The following CHP1 variants were observed in gnomAD, a reference collection of about 807,000 sequenced individuals.
CHP1 encodes calcineurin like EF-hand protein 1.
A neutral mutation model predicts 27.4 loss-of-function variants in CHP1; 11 were observed. The observed-to-expected ratio is 0.40, with a 90% CI of 0.25 to 0.67. The LOEUF is 0.67. CHP1 is among the 30% of genes least tolerant of loss of function. The pLI is 0.38. For missense variants in CHP1, 169 were observed against 251.3 expected (o/e 0.67, Z 2.22); for synonymous variants, 89 against 87.4 (o/e 1.02, Z -0.10).
intron 2 of CHP1, among the ~76,000 whole-genome samples, chr15:41,251,329 C>T (rs1260588752): frequency 6.6e-6 from 1 of 152,174 alleles, no homozygotes; most frequent in Non-Finnish European, 1.5e-5. Flanking sequence ...AAAGGGTAAT[C>T]ATTATCCTGC....
intron 1 of CHP1, among the ~76,000 whole-genome samples, chr15:41,242,376 G>A (rs554735048): frequency 1.6e-4 from 24 of 152,176 alleles, no homozygotes; most frequent in Admixed American, 7.9e-4. Context: ...CTACCTAGCC[G>A]TACACATCAC....
chr15:41,276,251 A>G (rs914368048), intron 5 of CHP1, among the ~76,000 whole-genome samples: 2 of 151,840 alleles, frequency 1.3e-5, no homozygotes, highest in Non-Finnish European at 2.9e-5. Flanking sequence ...AAAAAAAAAA[A>G]AAAGAATCTA....
At chr15:41,245,232 G>A (rs758706481) in intron 2 of CHP1, among the ~76,000 whole-genome samples, 1 of 152,146 alleles carries the variant, frequency 6.6e-6, no homozygotes, top group Non-Finnish European at 1.5e-5. Context: ...AGGCCAAGGC[G>A]GGCGGATCAC....
At chr15:41,279,003 GAGTTCA>G (rs2047533103) in intron 6 of CHP1, 114 bp downstream of exon 6, 2 of 1,320,252 alleles carry the variant, frequency 1.5e-6, no homozygotes, top group East Asian at 4.9e-5. Flanking sequence ...ACGAGGTCAG[GAGTTCA>G]AGACCAGCCT....
intron 1 of CHP1, among the ~76,000 whole-genome samples, chr15:41,242,959 A>T (rs1393815998): frequency 7.0e-6 from 1 of 143,828 alleles, no homozygotes; most frequent in Non-Finnish European, 1.6e-5. Flanking sequence ...AAAAGAAAAA[A>T]GTAAAAAAAT....
intron 4 of CHP1, chr15:41,264,229 A>G: frequency 8.6e-6 from 11 of 1,285,756 alleles, no homozygotes; most frequent in Non-Finnish European, 1.1e-5. Flanking sequence ...CCTCCCAAGC[A>G]TGGAATGTAA....
Position 41,270,614 on chromosome 15 carries a change from T to TAA in CHP1, c.408_409insAA (p.Gln137AsnfsTer6). ...GAAAAGATCTCCCGTGATGAGCTGTTACAGGTATGTGGAGAGCTCCTCGAG... is the reference window on the plus strand; with the variant it reads ...GAAAAGATCTCCCGTGATGAGCTGTTAAACAGGTATGTGGAGAGCTCCTCGAG... On this transcript the variant is annotated frameshift_variant, in exon 5 of 7. Transcript: ENST00000334660. LOFTEE classifies it high-confidence loss of function. 6.2e-7 allele frequency: 1 copy of TAA among 1,612,932 alleles called. No homozygotes were observed. Among genetic ancestry groups the TAA allele is most frequent in the Non-Finnish European group, 8.5e-7 (1 of 1,178,876 alleles).
At chr15:41,258,988 A>C (rs2140934925) in intron 3 of CHP1, among the ~76,000 whole-genome samples, 1 of 152,326 alleles carries the variant, frequency 6.6e-6, no homozygotes, top group South Asian at 2.1e-4. Context: ...CAGTTAGTTC[A>C]TGTAAAGATG....
intron 2 of CHP1, among the ~76,000 whole-genome samples, chr15:41,251,598 A>C (rs1567006832): frequency 6.6e-6 from 1 of 152,154 alleles, no homozygotes; most frequent in African/African-American, 2.4e-5. Context: ...CAGTGGCGGC[A>C]CTAGATTCTC....
chr15:41,264,253 C>A, intron 4 of CHP1: 2 of 1,273,030 alleles, frequency 1.6e-6, no homozygotes, highest in Non-Finnish European at 2.0e-6. Context: ...CTTCCCCTCA[C>A]TTTGATAAGT....
intron 2 of CHP1, among the ~76,000 whole-genome samples, chr15:41,245,696 A>G (rs1463322080): frequency 6.6e-6 from 1 of 152,172 alleles, no homozygotes; most frequent in African/African-American, 2.4e-5. Context: ...TTGGGTGCAC[A>G]TATGTTTTAA....
chr15:41,258,844 A>G (rs572530512), intron 3 of CHP1, among the ~76,000 whole-genome samples: 2 of 152,324 alleles, frequency 1.3e-5, no homozygotes, highest in South Asian at 2.1e-4. Flanking sequence ...GAGACTGTCA[A>G]TGAGGACACT....
At chr15:41,240,762 A>AG (rs1250800567) in intron 1 of CHP1, among the ~76,000 whole-genome samples, 1 of 152,100 alleles carries the variant, frequency 6.6e-6, no homozygotes, top group East Asian at 1.9e-4. Context: ...TCAAAAAAAA[A>AG]AAAAAAAAAA....
At chr15:41,232,225 T>C (rs2140918253) in intron 1 of CHP1, among the ~76,000 whole-genome samples, 1 of 151,640 alleles carries the variant, frequency 6.6e-6, no homozygotes, top group Non-Finnish European at 1.5e-5. Context: ...TTTTTTTTTT[T>C]TTTGAAACGG....
chr15:41,234,415 G>A (rs976143652), intron 1 of CHP1, among the ~76,000 whole-genome samples: 1 of 152,098 alleles, frequency 6.6e-6, no homozygotes, highest in Non-Finnish European at 1.5e-5. Flanking sequence ...AGCACTTTAA[G>A]AACAATTATA....
chr15:41,244,377 G>A (rs2047322904), intron 2 of CHP1, among the ~76,000 whole-genome samples: 3 of 152,076 alleles, frequency 2.0e-5, no homozygotes, highest in Admixed American at 6.6e-5. Context: ...TTGGCTTTTA[G>A]GAAGTTGACC....
rs917040085 is a variant in CHP1 at position 41,281,190 on chromosome 15, A to G, written c.*1801A>G. 1.3e-5 allele frequency: 2 copies of G among 152,326 alleles called. No individual in the cohort carries two copies. Among genetic ancestry groups the G allele is most frequent in the South Asian group, 2.1e-4 (1 of 4,826 alleles). 9.4% of individuals were successfully genotyped at this position (152,326 alleles called of 1,614,324 possible). A position where few individuals can be genotyped will look rare whatever the true frequency, so the allele number is the denominator to read the frequency against. ...TTCTTTATGAATTTTACACTTGGCA[A>G]ATGTTAATGACGGAAGCCATAGTCT... On this transcript the variant is annotated 3_prime_UTR_variant, in exon 7 of 7. Transcript: ENST00000334660.
chr15:41,278,253 A>T (rs2047529150), intron 5 of CHP1, among the ~76,000 whole-genome samples: 1 of 151,210 alleles, frequency 6.6e-6, no homozygotes, highest in South Asian at 2.1e-4. Flanking sequence ...GAACGGCGTG[A>T]ACCCGGGAGG....
intron 2 of CHP1, among the ~76,000 whole-genome samples, chr15:41,246,508 C>T (rs992846373): frequency 2.7e-5 from 4 of 150,122 alleles, no homozygotes; most frequent in Non-Finnish European, 3.0e-5. Flanking sequence ...TTAGTAGAAA[C>T]GGGGTTTCAC....
Sources: allele counts gnomAD v4.1 joint callset (sites outside exome capture counted in the v4.1 genomes callset), GRCh38; gene constraint gnomAD v4.1.1; transcripts MANE v1.5; gene names NCBI Gene and HGNC (gene_info 2026-07-23, HGNC 2026-07-21).